Variants in AUTS2 observed in about 807,000 individuals in gnomAD.
AUTS2 encodes autism susceptibility gene 2 protein.
Under a neutral mutation model 112.4 loss-of-function variants are expected in AUTS2, and 17 were observed. That is an observed-to-expected ratio of 0.15 (90% CI 0.10 to 0.23). The LOEUF (loss-of-function observed/expected upper bound fraction) is 0.23, where lower values mean the gene tolerates loss of function less well. Among genes scored for constraint, AUTS2 ranks in the 10% least tolerant of loss-of-function variants. The pLI is 1.00. For synonymous variants in AUTS2, 751 were observed against 702.7 expected (o/e 1.07, Z -1.09); for missense variants, 1,510 against 1,701.6 (o/e 0.89, Z 1.98).
chr7:70,508,670 C>T (rs961394219), intron 5 of AUTS2, among the ~76,000 whole-genome samples: 5 of 152,164 alleles, frequency 3.3e-5, no homozygotes, highest in Admixed American at 6.5e-5. Context: ...ACATACACCA[C>T]GGTTACAGCC....
At chr7:70,565,162 T>C (rs758537102) in intron 5 of AUTS2, among the ~76,000 whole-genome samples, 16 of 152,222 alleles carry the variant, frequency 1.1e-4, no homozygotes, top group Admixed American at 3.9e-4. Context: ...TATTATCTTG[T>C]AATTTTAAAA....
chr7:69,611,515 GA>G (rs1793030916), intron 1 of AUTS2, among the ~76,000 whole-genome samples: 1 of 152,230 alleles, frequency 6.6e-6, no homozygotes, highest in Non-Finnish European at 1.5e-5. Flanking sequence ...TTTAAATATT[GA>G]AGTATAATGT....
intron 5 of AUTS2, among the ~76,000 whole-genome samples, chr7:70,498,595 AG>A (rs1798653052): frequency 6.6e-6 from 1 of 152,120 alleles, no homozygotes; most frequent in Non-Finnish European, 1.5e-5. Context: ...GGTGGGCAGA[AG>A]GGTTCTTATA....
At chr7:70,064,293 G>A (rs1802390091) in intron 2 of AUTS2, among the ~76,000 whole-genome samples, 2 of 152,168 alleles carry the variant, frequency 1.3e-5, no homozygotes, top group Non-Finnish European at 2.9e-5. Flanking sequence ...GACCCGACTA[G>A]TCAGAGGTTT....
At chr7:70,742,561 A>AAGACCAGCC (rs1184840732) in intron 6 of AUTS2, among the ~76,000 whole-genome samples, 1 of 152,110 alleles carries the variant, frequency 6.6e-6, no homozygotes, top group African/African-American at 2.4e-5. Context: ...TCAGGAGTTC[A>AAGACCAGCC]AGACCAGCCT....
In AUTS2 at chr7:69,999,385, T is replaced by A. The variant is rs555426556; in HGVS notation, c.522+99887T>A. 2.6e-5 allele frequency among the ~76,000 whole-genome samples: 4 copies of A among 152,294 alleles called. No homozygotes were observed. The East Asian group carries it at 5.8e-4, about 22-fold the overall frequency. ...TGCTTCTGTTTCTGCTATCTTACAA[T>A]GAAGATAATTTTCCCCCTACTTTTT... On this transcript the variant is annotated intron_variant, in intron 2 of 18. Transcript: ENST00000342771.
chr7:70,243,004 C>G (rs1812705543), intron 4 of AUTS2, among the ~76,000 whole-genome samples: 2 of 152,240 alleles, frequency 1.3e-5, no homozygotes, highest in South Asian at 4.1e-4. Context: ...ACTATTCTTG[C>G]CTATTTTACC....
chr7:70,700,633 A>G (rs1276802660), intron 6 of AUTS2, among the ~76,000 whole-genome samples: 3 of 152,184 alleles, frequency 2.0e-5, no homozygotes, highest in Non-Finnish European at 4.4e-5. Flanking sequence ...CATCGGGGAC[A>G]GTTTTGTTAA....
intron 4 of AUTS2, among the ~76,000 whole-genome samples, chr7:70,193,222 C>T (rs1200120410): frequency 6.6e-6 from 1 of 152,200 alleles, no homozygotes; most frequent in East Asian, 1.9e-4. Flanking sequence ...CTACACAACT[C>T]TGAGCCTTTC....
intron 2 of AUTS2, among the ~76,000 whole-genome samples, chr7:70,027,883 T>G (rs1800591394): frequency 7.3e-5 from 3 of 40,966 alleles, no homozygotes; most frequent in Admixed American, 3.0e-4. Flanking sequence ...TTGCTTTAAG[T>G]GTTTTTTTTT....
At chr7:70,057,530 T>C (rs1802048877) in intron 2 of AUTS2, among the ~76,000 whole-genome samples, 1 of 152,228 alleles carries the variant, frequency 6.6e-6, no homozygotes, top group African/African-American at 2.4e-5. Flanking sequence ...CTGTTACAGG[T>C]ATTCTATCTT....
In AUTS2 at chr7:70,232,811, G is replaced by A. The variant is rs190083792; in HGVS notation, c.660+98240G>A. Among the ~76,000 whole-genome samples the A allele has an allele frequency of 2.4e-3, 364 of 152,240 alleles. 1 individual carries two copies. The highest frequency in any genetic ancestry group is 3.7e-3 in the Admixed American group (57 of 15,294). On this transcript the variant is annotated intron_variant, in intron 4 of 18. Coordinates refer to ENST00000342771, the MANE Select transcript of AUTS2 (RefSeq NM_015570.4). ...ATTTCCATTTCTATTTTTAGAAAAA[G>A]TCAAAGGCCTGTATTTAATAATTAC...
At chr7:69,643,874 G>A (rs758976314) in intron 1 of AUTS2, among the ~76,000 whole-genome samples, 3 of 152,212 alleles carry the variant, frequency 2.0e-5, no homozygotes, top group Non-Finnish European at 2.9e-5. Context: ...AAGCCCTGGA[G>A]ATGAGGCTGC....
At chr7:70,607,726 T>C (rs1803860173) in intron 5 of AUTS2, among the ~76,000 whole-genome samples, 1 of 152,188 alleles carries the variant, frequency 6.6e-6, no homozygotes, top group Non-Finnish European at 1.5e-5. Flanking sequence ...ATTAAGCTTA[T>C]ATGAAGTGGT....
At chr7:70,066,754 G>C (rs1301594358) in intron 2 of AUTS2, among the ~76,000 whole-genome samples, 1 of 152,030 alleles carries the variant, frequency 6.6e-6, no homozygotes, top group East Asian at 1.9e-4. Context: ...TGGCCAGGCT[G>C]GTCTTGAACT....
chr7:69,753,180 C>T (rs1008910521), intron 1 of AUTS2, among the ~76,000 whole-genome samples: 1 of 152,120 alleles, frequency 6.6e-6, no homozygotes, highest in Non-Finnish European at 1.5e-5. Context: ...ATGTGAAGTG[C>T]AGTGCCTGGC....
At chr7:70,413,851 T>C (rs1220717295) in intron 4 of AUTS2, among the ~76,000 whole-genome samples, 1 of 152,038 alleles carries the variant, frequency 6.6e-6, no homozygotes, top group Non-Finnish European at 1.5e-5. Flanking sequence ...ATTTTTGTGT[T>C]TTTTGTAGAG....
At chr7:70,609,419 G>A (rs1483048395) in intron 5 of AUTS2, among the ~76,000 whole-genome samples, 6 of 129,618 alleles carry the variant, frequency 4.6e-5, no homozygotes, top group Non-Finnish European at 7.8e-5. Context: ...TTCCGAGACA[G>A]AGTCTCACTC....
chr7:69,918,043 A>G (rs538060784), intron 2 of AUTS2, among the ~76,000 whole-genome samples: 47 of 152,130 alleles, frequency 3.1e-4, no homozygotes, highest in African/African-American at 1.0e-3. Context: ...GGGTTTCACC[A>G]TGTTGGCCAG....
Sources: gnomAD v4.1 joint callset for allele counts (sites outside exome capture counted in the v4.1 genomes callset) on GRCh38, gnomAD v4.1.1 for gene constraint, MANE v1.5 for transcripts, NCBI Gene and HGNC (gene_info 2026-07-23, HGNC 2026-07-21) for gene names.